RBMS3: variants seen among roughly 807,000 people sequenced by gnomAD.
RBMS3 encodes the protein RNA-binding motif, single-stranded-interacting protein 3.
RBMS3 carries 27 observed loss-of-function variants against 66.8 expected under a neutral mutation model. The ratio of observed to expected loss-of-function variants is 0.40; its 90% CI spans 0.30 to 0.56. The LOEUF (loss-of-function observed/expected upper bound fraction) is 0.56, where lower values mean the gene tolerates loss of function less well. RBMS3 is among the 20% of genes least tolerant of loss of function. RBMS3 has a pLI of 0.40. For missense variants in RBMS3, 513 were observed against 549.5 expected (o/e 0.93, Z 0.66); for synonymous variants, 188 against 183.0 (o/e 1.03, Z -0.22).
intron 3 of RBMS3, among the ~76,000 whole-genome samples, chr3:29,572,649 T>C (rs2046987544): frequency 6.6e-6 from 1 of 152,216 alleles, no homozygotes; most frequent in South Asian, 2.1e-4. Flanking sequence ...CATCTTAATG[T>C]ATTGTTGAAT....
intron 1 of RBMS3, among the ~76,000 whole-genome samples, chr3:29,432,641 A>G (rs1322375578): frequency 6.6e-6 from 1 of 152,178 alleles, no homozygotes; most frequent in Non-Finnish European, 1.5e-5. Context: ...GGTTTGACAC[A>G]TTCCCTGCTC....
chr3:29,744,328 T>A (rs1179368944), intron 5 of RBMS3, among the ~76,000 whole-genome samples: 1 of 152,174 alleles, frequency 6.6e-6, no homozygotes, highest in Admixed American at 6.5e-5. Context: ...TGGGTTTTTT[T>A]AAATATAGCA....
At chr3:29,875,432 T>C (rs2059590641) in intron 7 of RBMS3, among the ~76,000 whole-genome samples, 1 of 152,142 alleles carries the variant, frequency 6.6e-6, no homozygotes, top group African/African-American at 2.4e-5. Context: ...CATCATTGAC[T>C]ATAAGACACC....
intron 6 of RBMS3, among the ~76,000 whole-genome samples, chr3:29,801,663 A>G (rs2057395607): frequency 6.6e-6 from 1 of 152,152 alleles, no homozygotes; most frequent in Non-Finnish European, 1.5e-5. Context: ...TTTCTCTGCC[A>G]TAAAAGGAAA....
intron 5 of RBMS3, among the ~76,000 whole-genome samples, chr3:29,756,481 G>A (rs554968393): frequency 3.2e-4 from 49 of 152,238 alleles, no homozygotes; most frequent in African/African-American, 1.1e-3. Flanking sequence ...CATGGCAGTA[G>A]GCAAGAGAGT....
intron 12 of RBMS3, among the ~76,000 whole-genome samples, chr3:29,967,410 C>T (rs1696922054): frequency 6.6e-6 from 1 of 152,144 alleles, no homozygotes; most frequent in Non-Finnish European, 1.5e-5. Context: ...CTTCTCCTGC[C>T]TCAGCCTCCT....
intron 12 of RBMS3, among the ~76,000 whole-genome samples, chr3:29,948,306 G>C (rs1366554392): frequency 5.9e-5 from 9 of 151,618 alleles, no homozygotes; most frequent in Admixed American, 2.0e-4. Flanking sequence ...CATTGTTTTT[G>C]TTTCAGCAAT....
At chr3:29,454,919 T>C (rs1444317961) in intron 2 of RBMS3, among the ~76,000 whole-genome samples, 2 of 152,302 alleles carry the variant, frequency 1.3e-5, no homozygotes, top group East Asian at 3.9e-4. Context: ...TTTATAATAT[T>C]AGATCTGAGT....
chr3:29,867,639 A>T (rs2059394013), intron 6 of RBMS3, among the ~76,000 whole-genome samples: 1 of 148,204 alleles, frequency 6.7e-6, no homozygotes, highest in Admixed American at 6.7e-5. Context: ...CAATACTTAA[A>T]CCCATTTCAA....
At chr3:29,486,842 C>T (rs1042985839) in intron 2 of RBMS3, among the ~76,000 whole-genome samples, 2 of 152,036 alleles carry the variant, frequency 1.3e-5, no homozygotes, top group African/African-American at 2.4e-5. Context: ...TTCAGGAACA[C>T]CTTTATAAAC....
rs543131786 is a variant in RBMS3, at chr3:29,423,483, A to T, written c.76-11260A>T. 9.2e-5 allele frequency among the ~76,000 whole-genome samples: 14 copies of T among 152,346 alleles called. No individual in the cohort carries two copies. In the South Asian group the frequency reaches 1.7e-3, roughly 18 times the overall value. ...CTTGAGTGTGGGAGGAAGCTTGAAT[A>T]TGGTTTCTACTAAAAGGAGATTAAT... On this transcript the variant is annotated intron_variant, in intron 1 of 14. Coordinates refer to ENST00000383767, the MANE Select transcript of RBMS3 (RefSeq NM_001003793.3).
At chr3:29,708,682 G>A (rs537047940) in intron 4 of RBMS3, among the ~76,000 whole-genome samples, 6 of 152,164 alleles carry the variant, frequency 3.9e-5, no homozygotes, top group African/African-American at 1.2e-4. Flanking sequence ...GCTTCAATTC[G>A]GTCGTCTCTG....
At chr3:29,384,028 G>T (rs1397283862) in intron 1 of RBMS3, among the ~76,000 whole-genome samples, 1 of 152,144 alleles carries the variant, frequency 6.6e-6, no homozygotes, top group Admixed American at 6.6e-5. Flanking sequence ...AATTATAATG[G>T]AAGAGAGCTG....
At chr3:29,311,775 A>G (rs1004452837) in intron 1 of RBMS3, among the ~76,000 whole-genome samples, 3 of 151,770 alleles carry the variant, frequency 2.0e-5, no homozygotes, top group Non-Finnish European at 4.4e-5. Flanking sequence ...GGGATTGGCC[A>G]TTTTAGTGAC....
chr3:29,776,357 C>A lies in RBMS3; in HGVS notation c.637+13368C>A, dbSNP rs546221114. Among the ~76,000 whole-genome samples, 7 of 152,034 alleles carry A rather than the reference C, an allele frequency of 4.6e-5. No homozygotes were observed. In the South Asian group the frequency reaches 1.4e-3, roughly 31 times the overall value. ...TTAACTTGAACAAGTTATTTAGCGT[C>A]TTGCCAGGTTCCTCATAGAACCTAA... On this transcript the variant is annotated intron_variant, in intron 6 of 14. Transcript: ENST00000383767.
Position 29,781,726 on chromosome 3 carries a change from G to A in RBMS3, c.637+18737G>A, listed in dbSNP as rs1251685664. Among the ~76,000 whole-genome samples the A allele has an allele frequency of 2.0e-5, 3 of 152,084 alleles. No homozygotes were observed. In the East Asian group the frequency reaches 5.8e-4, roughly 30 times the overall value. On this transcript the variant is annotated intron_variant, in intron 6 of 14. Transcript: ENST00000383767. Reference sequence around the variant, plus strand: ...TTGCTTTCTCAGTGGGGAGGCTAGTGGTCTAGGGCAAGTTATCAGCCCTGG... The same window carrying A: ...TTGCTTTCTCAGTGGGGAGGCTAGTAGTCTAGGGCAAGTTATCAGCCCTGG...
intron 4 of RBMS3, among the ~76,000 whole-genome samples, chr3:29,649,146 T>C (rs1033371665): frequency 2.8e-4 from 42 of 152,244 alleles, no homozygotes; most frequent in Non-Finnish European, 3.8e-4. Flanking sequence ...TTTCCCATGT[T>C]ATTTTTTCTC....
chr3:29,686,007 T>G (rs2051716860), intron 4 of RBMS3, among the ~76,000 whole-genome samples: 1 of 152,186 alleles, frequency 6.6e-6, no homozygotes, highest in South Asian at 2.1e-4. Context: ...GCTTTCCCTC[T>G]CTGGATCTTC....
At chr3:29,515,306 T>C (rs1559428025) in intron 3 of RBMS3, among the ~76,000 whole-genome samples, 5 of 152,218 alleles carry the variant, frequency 3.3e-5, no homozygotes. Context: ...TTTTCTGATG[T>C]CTTCAAAGTG....
Sources: gnomAD v4.1 joint callset for allele counts (sites outside exome capture counted in the v4.1 genomes callset) on GRCh38, gnomAD v4.1.1 for gene constraint, MANE v1.5 for transcripts, NCBI Gene and HGNC (gene_info 2026-07-23, HGNC 2026-07-21) for gene names.